The following TTLL5 variants were observed in gnomAD, a reference collection of about 807,000 sequenced individuals.
The protein encoded by TTLL5 is tubulin tyrosine ligase like 5.
A neutral mutation model predicts 168.4 loss-of-function variants in TTLL5; 132 were observed. The observed-to-expected ratio is 0.78, with a 90% CI of 0.68 to 0.91. TTLL5 has a LOEUF of 0.91. Among genes scored for constraint, TTLL5 ranks in the 40% least tolerant of loss-of-function variants. The pLI is 0.00. For synonymous variants in TTLL5, 546 were observed against 558.6 expected, an observed-to-expected ratio of 0.98 and a Z score of 0.32; for missense variants, 1,545 against 1,581.5, an observed-to-expected ratio of 0.98 and a Z score of 0.39.
intron 17 of TTLL5, among the ~76,000 whole-genome samples, chr14:75,746,557 C>CTTT (rs71119389): frequency 1.7e-5 from 2 of 114,724 alleles, no homozygotes; most frequent in African/African-American, 3.3e-5. Context: ...CTTTTCTTTT[C>CTTT]TTTTTTTTTT....
intron 9 of TTLL5, among the ~76,000 whole-genome samples, chr14:75,708,215 T>A (rs1209784576): frequency 1.3e-5 from 2 of 152,054 alleles, no homozygotes; most frequent in East Asian, 3.9e-4. Context: ...TTTGACCTCA[T>A]GGATCTGACT....
chr14:75,772,114 T>G (rs1232629544), intron 21 of TTLL5, among the ~76,000 whole-genome samples: 2 of 152,216 alleles, frequency 1.3e-5, no homozygotes, highest in African/African-American at 4.8e-5. Context: ...TGTATTTCAT[T>G]TTGAATTGGA....
chr14:75,797,270 T>C (rs1893045359), intron 27 of TTLL5, among the ~76,000 whole-genome samples: 1 of 152,172 alleles, frequency 6.6e-6, no homozygotes, highest in African/African-American at 2.4e-5. Context: ...GTACATTGAT[T>C]TTGTATCCTG....
At chr14:75,727,777 A>T (rs761112650) in intron 12 of TTLL5, 2 of 476,078 alleles carry the variant, frequency 4.2e-6, no homozygotes, top group South Asian at 3.0e-5. Flanking sequence ...TATATACCAT[A>T]TGATTCCATT....
At chr14:75,863,198 A>G (rs572166792) in intron 28 of TTLL5, among the ~76,000 whole-genome samples, 1 of 152,360 alleles carries the variant, frequency 6.6e-6, no homozygotes, top group South Asian at 2.1e-4. Context: ...AAATATTTAG[A>G]TATTTAACTG....
At chr14:75,798,284 G>A (rs1893099861) in intron 27 of TTLL5, among the ~76,000 whole-genome samples, 1 of 151,906 alleles carries the variant, frequency 6.6e-6, no homozygotes. Context: ...GGTGTTGGTT[G>A]TACTATCTCT....
At chr14:75,819,900 A>T in intron 27 of TTLL5, 107 bp from the exon 28 acceptor site, 5 of 1,255,142 alleles carry the variant, frequency 4.0e-6, no homozygotes, top group Non-Finnish European at 5.4e-6. Flanking sequence ...GCTTCAGCTC[A>T]GAGGGGTCAG....
In TTLL5 at chr14:75,663,243, C is replaced by A. The variant is rs1304705390; in HGVS notation, c.74+20C>A. On this transcript the variant is annotated intron_variant, in intron 2 of 31. Transcript: ENST00000298832. ...TCAAGAGTAAGTAATAGCAAGCCTG[C>A]TTTCAACCTGTGCTTTGTACTCTTT... 4 of 1,603,106 alleles carry A rather than the reference C, an allele frequency of 2.5e-6. No homozygotes were observed. Among genetic ancestry groups the A allele is most frequent in the South Asian group, 1.1e-5 (1 of 88,970 alleles).
intron 31 of TTLL5, among the ~76,000 whole-genome samples, chr14:75,947,345 G>A (rs1289902030): frequency 6.6e-6 from 1 of 152,098 alleles, no homozygotes; most frequent in Admixed American, 6.5e-5. Context: ...AGCTGATGTA[G>A]CTATATTTAT....
intron 29 of TTLL5, among the ~76,000 whole-genome samples, chr14:75,870,525 T>A (rs552117369): frequency 3.9e-5 from 6 of 152,306 alleles, no homozygotes; most frequent in African/African-American, 1.4e-4. Flanking sequence ...GTTTAGCACC[T>A]AACAACACAT....
Position 75,792,998 on chromosome 14 carries a change from G to A in TTLL5, c.3069G>A (p.Arg1023=), listed in dbSNP as rs1892809473. The A allele has an allele frequency of 6.2e-7, 1 of 1,613,562 alleles. No individual in the cohort carries two copies. The change falls in exon 27 of 32, where the codon CGG becomes CGA. Residue 1023 remains arginine, a synonymous_variant. Coordinates refer to ENST00000298832, the MANE Select transcript of TTLL5 (RefSeq NM_015072.5). ...AAGATGCTTCTTTATATAGCAAACG[G>A]TACAACCAAAGTATGGTTACAGCTG... ...EGEDASLYSK[R]YNQSMVTAEL... is the part of the protein sequence containing the mutation.
intron 31 of TTLL5, among the ~76,000 whole-genome samples, chr14:75,919,802 G>A (rs1302062798): frequency 2.0e-5 from 3 of 152,062 alleles, no homozygotes; most frequent in Admixed American, 6.5e-5. Flanking sequence ...TTAAAATTAT[G>A]TGCTTCAACG....
intron 5 of TTLL5, among the ~76,000 whole-genome samples, chr14:75,687,568 C>T (rs939216282): frequency 2.6e-5 from 4 of 152,102 alleles, no homozygotes; most frequent in African/African-American, 9.7e-5. Context: ...GCCACCATGC[C>T]TCACCTAAAT....
At chr14:75,859,254 A>G (rs1409151053) in intron 28 of TTLL5, among the ~76,000 whole-genome samples, 2 of 152,262 alleles carry the variant, frequency 1.3e-5, no homozygotes, top group Non-Finnish European at 2.9e-5. Context: ...GAGGAAAAGT[A>G]TAGCTCTTCA....
chr14:75,951,615 G>T (rs954735033), intron 31 of TTLL5, among the ~76,000 whole-genome samples: 3 of 150,796 alleles, frequency 2.0e-5, no homozygotes, highest in Non-Finnish European at 4.4e-5. Context: ...TTAAAAACTA[G>T]CCCAGGCATG....
intron 26 of TTLL5, among the ~76,000 whole-genome samples, chr14:75,788,043 T>A (rs923359098): frequency 1.3e-5 from 2 of 152,120 alleles, no homozygotes; most frequent in African/African-American, 4.8e-5. Flanking sequence ...CCAAGCTCCC[T>A]AGGAGGCTGA....
intron 29 of TTLL5, among the ~76,000 whole-genome samples, chr14:75,873,370 G>A (rs568795473): frequency 8.5e-5 from 13 of 152,196 alleles, no homozygotes; most frequent in Admixed American, 5.9e-4. Context: ...CACCACGCCC[G>A]GCCCTCCAGA....
At chr14:75,894,054 T>G (rs1218007654) in intron 30 of TTLL5, among the ~76,000 whole-genome samples, 2 of 152,024 alleles carry the variant, frequency 1.3e-5, no homozygotes, top group African/African-American at 2.4e-5. Flanking sequence ...CATTTAGAGA[T>G]AACAAAGATA....
intron 31 of TTLL5, among the ~76,000 whole-genome samples, chr14:75,931,107 G>T (rs541813047): frequency 1.3e-5 from 2 of 152,214 alleles, no homozygotes; most frequent in South Asian, 4.1e-4. Context: ...GTCACATATG[G>T]CTTCAAAGAT....
Sources: allele counts gnomAD v4.1 joint callset (sites outside exome capture counted in the v4.1 genomes callset), GRCh38; gene constraint gnomAD v4.1.1; transcripts MANE v1.5; gene names NCBI Gene and HGNC (gene_info 2026-07-23, HGNC 2026-07-21).